The following PHTF1 variants were observed in gnomAD, a reference collection of about 807,000 sequenced individuals.
PHTF1 encodes protein PHTF1.
Under a neutral mutation model 102.4 loss-of-function variants are expected in PHTF1, and 88 were observed. The ratio of observed to expected loss-of-function variants is 0.86; its 90% CI spans 0.72 to 1.03. The LOEUF (loss-of-function observed/expected upper bound fraction) is 1.03. Among genes scored for constraint, PHTF1 ranks in the 50% least tolerant of loss-of-function variants. The pLI is 0.00. For missense variants in PHTF1, 814 were observed against 909.5 expected, an observed-to-expected ratio of 0.89 and a Z score of 1.35; for synonymous variants, 289 against 305.2, an observed-to-expected ratio of 0.95 and a Z score of 0.55.
At position 113,697,414 on chromosome 1, in the gene PHTF1, C is replaced by A; in HGVS notation, c.*291G>T. 1 of 323,460 alleles carries A rather than the reference C, an allele frequency of 3.1e-6. No homozygotes were observed. The highest frequency in any genetic ancestry group is 5.8e-6 in the Non-Finnish European group (1 of 173,774). 20.0% of individuals were successfully genotyped at this position (323,460 alleles called of 1,614,324 possible). A position where few individuals can be genotyped will look rare whatever the true frequency, so the allele number is the denominator to read the frequency against. ...TCCAGTAAACATAACTGTCACAGTA[C>A]TGAAGCGCAAACTTACAAAATTGTC... On this transcript the variant is annotated 3_prime_UTR_variant, in exon 19 of 19. Transcript: ENST00000369604.
chr1:113,757,202 C>T (rs548766912), intron 3 of PHTF1, among the ~76,000 whole-genome samples: 25 of 152,058 alleles, frequency 1.6e-4, no homozygotes, highest in Admixed American at 7.9e-4. Context: ...AACAAAAACA[C>T]ATACTCTAAG....
At position 113,738,122 on chromosome 1, in the gene PHTF1, A is replaced by G; in HGVS notation, c.319T>C (p.Tyr107His). 6.2e-7 allele frequency: 1 copy of G among 1,608,262 alleles called. No homozygotes were observed. ...TTTCTCCAATTACCTTGCATGAAAT[A>G]AAGTAGTAACAGCCAAACAAAGATT... ...LRIFVWLLLL[Y>H]FMQVIAIVLY... The change falls in exon 5 of 19, where the codon TAT (tyrosine) becomes CAT (histidine). Residue 107 changes from tyrosine (Y) to histidine (H), a missense_variant. Transcript: ENST00000369604.
At chr1:113,756,896 G>A (rs1658967027) in intron 3 of PHTF1, among the ~76,000 whole-genome samples, 2 of 152,240 alleles carry the variant, frequency 1.3e-5, no homozygotes, top group South Asian at 2.1e-4. Flanking sequence ...GGCCGGGCGC[G>A]GTGGCTCACG....
At chr1:113,750,662 C>T (rs1657926390) in intron 3 of PHTF1, among the ~76,000 whole-genome samples, 1 of 151,648 alleles carries the variant, frequency 6.6e-6, no homozygotes, top group Admixed American at 6.6e-5. Flanking sequence ...ATCGAGCCAT[C>T]CTGGCCAACA....
rs1257092583 is a variant in PHTF1, at chr1:113,710,205, C to G, written c.1269+49G>C. 2.3e-6 allele frequency: 3 copies of G among 1,328,032 alleles called. No individual in the cohort carries two copies. The East Asian group carries it at 6.9e-5, about 31-fold the overall frequency. The allele number at this position is 1,328,032 out of a possible 1,614,324, so 82.3% of individuals were successfully genotyped here. On this transcript the variant is annotated intron_variant, in intron 11 of 18. Transcript: ENST00000369604. ...ATGAGATGACAGAGTGCCTGACACA[C>G]AGTAAGAACACAATAAATACTAGCT... is the stretch of plus-strand genomic sequence containing the variant.
intron 11 of PHTF1, 34 bp from the exon 12 acceptor site, chr1:113,706,756 T>C (rs972659384): frequency 5.8e-6 from 9 of 1,539,130 alleles, no homozygotes; most frequent in Non-Finnish European, 7.1e-6. Flanking sequence ...TTTCTATCCA[T>C]GCCCTCTTGC....
chr1:113,745,168 G>A (rs1433713719), intron 3 of PHTF1, among the ~76,000 whole-genome samples: 1 of 152,076 alleles, frequency 6.6e-6, no homozygotes, highest in Non-Finnish European at 1.5e-5. Context: ...TCAAGACATG[G>A]GTGAGAGAGG....
intron 7 of PHTF1, among the ~76,000 whole-genome samples, chr1:113,719,455 C>T (rs564208878): frequency 3.2e-4 from 48 of 152,326 alleles, no homozygotes; most frequent in Non-Finnish European, 5.6e-4. Context: ...TACCCTAAAT[C>T]ATCTCTCTTA....
In PHTF1 at chr1:113,719,948, G is replaced by C. The variant is rs1157957497; in HGVS notation, c.623+4811C>G. On this transcript the variant is annotated intron_variant, in intron 7 of 18. Coordinates refer to ENST00000369604, the MANE Select transcript of PHTF1 (RefSeq NM_001323043.2). ...GGCACTTCTTAGATGGTGGCGGCAA[G>C]AGAAAGAAGAAGCAAAAGCAGAAAC... 2.0e-5 allele frequency among the ~76,000 whole-genome samples: 3 copies of C among 152,320 alleles called. No homozygotes were observed. The South Asian group carries it at 6.2e-4, about 32-fold the overall frequency.
chr1:113,738,683 T>C, intron 4 of PHTF1, 47 bp downstream of exon 4: 1 of 1,085,764 alleles, frequency 9.2e-7, no homozygotes, highest in Non-Finnish European at 1.4e-6. Flanking sequence ...TAAGCATCCC[T>C]GTGAAATAAT....
chr1:113,717,162 T>C (rs1194636879), intron 7 of PHTF1, among the ~76,000 whole-genome samples: 1 of 152,018 alleles, frequency 6.6e-6, no homozygotes. Context: ...TTTAAAAAAA[T>C]AGGTTATAAA....
intron 7 of PHTF1, among the ~76,000 whole-genome samples, chr1:113,722,019 C>A (rs1653031849): frequency 6.6e-6 from 1 of 151,846 alleles, no homozygotes; most frequent in African/African-American, 2.4e-5. Flanking sequence ...TTCTATATGC[C>A]AACAGCAAAC....
At chr1:113,706,851 CTTT>C (rs11363653) in intron 11 of PHTF1, 129 bp from the exon 12 acceptor site, 12,634 of 213,822 alleles carry the variant, frequency 0.059, no homozygotes, top group South Asian at 0.091. Flanking sequence ...TTCTTTCTTT[CTTT>C]TTTTTTTTTT....
At chr1:113,710,790 G>A (rs1302980956) in intron 10 of PHTF1, among the ~76,000 whole-genome samples, 5 of 87,910 alleles carry the variant, frequency 5.7e-5, no homozygotes, top group Non-Finnish European at 8.3e-5. Context: ...CATCACACCC[G>A]GATATATATA....
At chr1:113,723,334 C>T (rs964415016) in intron 7 of PHTF1, among the ~76,000 whole-genome samples, 2 of 152,146 alleles carry the variant, frequency 1.3e-5, no homozygotes, top group African/African-American at 4.8e-5. Flanking sequence ...CCCACCACCA[C>T]GCCCGGATAA....
chr1:113,712,783 A>G (rs1410547523), intron 8 of PHTF1, among the ~76,000 whole-genome samples: 2 of 129,982 alleles, frequency 1.5e-5, no homozygotes, highest in Non-Finnish European at 3.2e-5. Flanking sequence ...TAACTCACAA[A>G]ATTTTTTTTT....
chr1:113,757,600 C>T, intron 3 of PHTF1, 99 bp downstream of exon 3: 2 of 771,690 alleles, frequency 2.6e-6, no homozygotes, highest in South Asian at 3.0e-5. Flanking sequence ...TTAAAGAATG[C>T]CATACTGGTA....
chr1:113,746,773 T>C (rs1484863637), intron 3 of PHTF1: 1 of 512,664 alleles, frequency 2.0e-6, no homozygotes, highest in Non-Finnish European at 2.5e-6. Flanking sequence ...AAAAATGTTG[T>C]AAAATTAAAT....
At chr1:113,748,759 C>T (rs983773655) in intron 3 of PHTF1, among the ~76,000 whole-genome samples, 4 of 151,996 alleles carry the variant, frequency 2.6e-5, no homozygotes, top group Non-Finnish European at 5.9e-5. Context: ...TAATCTTGAA[C>T]TCCTGGGCTC....
Sources: gnomAD v4.1 joint callset for allele counts (sites outside exome capture counted in the v4.1 genomes callset) on GRCh38, gnomAD v4.1.1 for gene constraint, MANE v1.5 for transcripts, NCBI Gene and HGNC (gene_info 2026-07-23, HGNC 2026-07-21) for gene names.